Variants in CLYBL observed in about 807,000 individuals in gnomAD.
CLYBL encodes citramalyl-CoA lyase, mitochondrial.
CLYBL carries 31 observed loss-of-function variants against 38.9 expected under a neutral mutation model. That is an observed-to-expected ratio of 0.80 (90% CI 0.60 to 1.08). The LOEUF (loss-of-function observed/expected upper bound fraction) is 1.08. Among genes scored for constraint, CLYBL ranks in the 50% least tolerant of loss-of-function variants. The pLI, the probability that CLYBL is intolerant of heterozygous loss-of-function variation, is 0.00. For missense variants in CLYBL, 434 were observed against 411.6 expected (o/e 1.05, Z -0.47); for synonymous variants, 171 against 158.6 (o/e 1.08, Z -0.59).
chr13:99,724,084 T>C (rs1389263172), intron 1 of CLYBL, among the ~76,000 whole-genome samples: 1 of 152,166 alleles, frequency 6.6e-6, no homozygotes, highest in Admixed American at 6.5e-5. Flanking sequence ...AAGTCCATCT[T>C]TTCTTTCATC....
At chr13:99,803,684 A>G (rs1308198704) in intron 2 of CLYBL, among the ~76,000 whole-genome samples, 2 of 152,224 alleles carry the variant, frequency 1.3e-5, no homozygotes, top group Non-Finnish European at 2.9e-5. Context: ...AACACAACCA[A>G]TGTTGTTTCT....
chr13:99,669,902 C>T (rs1348188260), intron 1 of CLYBL, among the ~76,000 whole-genome samples: 1 of 152,152 alleles, frequency 6.6e-6, no homozygotes, highest in African/African-American at 2.4e-5. Context: ...CTTTAAAGAG[C>T]TGGGTGCAGG....
intron 3 of CLYBL, 41 bp downstream of exon 3, chr13:99,859,090 A>G (rs767038078): frequency 2.5e-5 from 38 of 1,531,608 alleles, no homozygotes; most frequent in Admixed American, 1.3e-4. Context: ...AGGAGCAGCT[A>G]AGGAGGAGTA....
At chr13:99,683,759 A>C (rs969361740) in intron 1 of CLYBL, among the ~76,000 whole-genome samples, 2 of 150,372 alleles carry the variant, frequency 1.3e-5, no homozygotes, top group African/African-American at 4.9e-5. Context: ...TTTAATAAGG[A>C]GGCGTATAGT....
chr13:99,626,502 C>G (rs1415030948), intron 1 of CLYBL, among the ~76,000 whole-genome samples: 1 of 152,216 alleles, frequency 6.6e-6, no homozygotes, highest in Non-Finnish European at 1.5e-5. Context: ...AGTCCCATGT[C>G]ATTTGAACCC....
intron 9 of CLYBL, among the ~76,000 whole-genome samples, chr13:99,906,276 A>G (rs1016474949): frequency 1.3e-5 from 2 of 152,216 alleles, no homozygotes; most frequent in African/African-American, 4.8e-5. Flanking sequence ...CCTATTTTCT[A>G]AAATGGACAT....
chr13:99,820,636 C>T (rs532328772), intron 2 of CLYBL, among the ~76,000 whole-genome samples: 2 of 152,276 alleles, frequency 1.3e-5, no homozygotes, highest in South Asian at 2.1e-4. Flanking sequence ...TACATTCTCA[C>T]CGTTGGAGTA....
At chr13:99,749,612 A>T (rs966115693) in intron 1 of CLYBL, among the ~76,000 whole-genome samples, 1 of 152,200 alleles carries the variant, frequency 6.6e-6, no homozygotes, top group Non-Finnish European at 1.5e-5. Flanking sequence ...CCATGTCTTC[A>T]TTTCAGCACA....
At chr13:99,903,696 G>A (rs547667212) in intron 8 of CLYBL, among the ~76,000 whole-genome samples, 35 of 152,252 alleles carry the variant, frequency 2.3e-4, no homozygotes, top group Admixed American at 7.2e-4. Context: ...AAAATACTCC[G>A]TGAGGTTCGC....
intron 1 of CLYBL, among the ~76,000 whole-genome samples, chr13:99,692,286 G>GT (rs71215539): frequency 0.15 from 17,619 of 115,716 alleles, 1,167 homozygotes; most frequent in South Asian, 0.24. Flanking sequence ...TGTTTTTTTT[G>GT]TTTTTTTTTT....
chr13:99,819,395 G>A (rs1216879716), intron 2 of CLYBL, among the ~76,000 whole-genome samples: 2 of 115,030 alleles, frequency 1.7e-5, no homozygotes, highest in African/African-American at 6.4e-5. Flanking sequence ...CAAAGTACTT[G>A]TATTATCACT....
At position 99,657,770 on chromosome 13, in the gene CLYBL, T is replaced by C. The variant is rs549723888; in HGVS notation, c.62+51013T>C. 6.4e-4 allele frequency among the ~76,000 whole-genome samples: 98 copies of C among 152,378 alleles called. 1 individual carries two copies. Among genetic ancestry groups the C allele is most frequent in the African/African-American group, 2.2e-3 (92 of 41,592 alleles). On this transcript the variant is annotated intron_variant, in intron 1 of 8. Transcript: ENST00000339105. ...AATGTGAAGGGCCTTTGAAGCACTC[T>C]AAAGAGACTTAGCTGCTTTGTTTTG... is the stretch of plus-strand genomic sequence containing the variant.
At chr13:99,681,977 A>T (rs1401646320) in intron 1 of CLYBL, among the ~76,000 whole-genome samples, 1 of 152,198 alleles carries the variant, frequency 6.6e-6, no homozygotes, top group Non-Finnish European at 1.5e-5. Flanking sequence ...AGGCAATTTC[A>T]TCGTTGTGCT....
At chr13:99,625,447 G>A (rs1364901048) in intron 1 of CLYBL, among the ~76,000 whole-genome samples, 1 of 152,182 alleles carries the variant, frequency 6.6e-6, no homozygotes, top group Non-Finnish European at 1.5e-5. Context: ...GTTGACACAG[G>A]TGCATCTTAT....
At chr13:99,666,210 G>A (rs989084348) in intron 1 of CLYBL, among the ~76,000 whole-genome samples, 7 of 152,186 alleles carry the variant, frequency 4.6e-5, no homozygotes, top group Non-Finnish European at 7.3e-5. Flanking sequence ...TAAGGGAAGA[G>A]GGGATGGATG....
At chr13:99,610,366 T>C (rs1490101857) in intron 1 of CLYBL, among the ~76,000 whole-genome samples, 1 of 152,232 alleles carries the variant, frequency 6.6e-6, no homozygotes, top group East Asian at 1.9e-4. Flanking sequence ...ATGTCTTGTA[T>C]ATTTTTTTGA....
At chr13:99,704,133 G>T (rs2048111275) in intron 1 of CLYBL, among the ~76,000 whole-genome samples, 1 of 152,194 alleles carries the variant, frequency 6.6e-6, no homozygotes, top group African/African-American at 2.4e-5. Flanking sequence ...ATGACATTCA[G>T]ATCTTTCTTC....
chr13:99,725,901 C>A (rs1171901340), intron 1 of CLYBL, among the ~76,000 whole-genome samples: 2 of 152,122 alleles, frequency 1.3e-5, no homozygotes, highest in African/African-American at 4.8e-5. Context: ...ACTGCACATG[C>A]GCACGAAGGC....
intron 4 of CLYBL, among the ~76,000 whole-genome samples, chr13:99,863,687 C>A (rs2051667132): frequency 6.6e-6 from 1 of 152,196 alleles, no homozygotes; most frequent in Non-Finnish European, 1.5e-5. Context: ...CCGGTCTTAA[C>A]AAATTCAGAG....
Sources: allele counts gnomAD v4.1 joint callset (sites outside exome capture counted in the v4.1 genomes callset), GRCh38; gene constraint gnomAD v4.1.1; transcripts MANE v1.5; gene names NCBI Gene and HGNC (gene_info 2026-07-23, HGNC 2026-07-21).